The following SEPTIN9 variants were observed in gnomAD, a reference collection of about 807,000 sequenced individuals.
SEPTIN9 encodes septin-9.
Under a neutral mutation model 56.6 loss-of-function variants are expected in SEPTIN9, and 13 were observed. The observed-to-expected ratio is 0.23, with a 90% CI of 0.15 to 0.37. The LOEUF is 0.37. SEPTIN9 is among the 10% of genes least tolerant of loss of function. The pLI, the probability that SEPTIN9 is intolerant of heterozygous loss-of-function variation, is 1.00. For synonymous variants in SEPTIN9, 332 were observed against 334.1 expected (o/e 0.99, Z 0.07); for missense variants, 650 against 823.1 (o/e 0.79, Z 2.57).
At chr17:77,395,778 T>C (rs2035691604) in intron 2 of SEPTIN9, among the ~76,000 whole-genome samples, 1 of 152,248 alleles carries the variant, frequency 6.6e-6, no homozygotes, top group South Asian at 2.1e-4. Flanking sequence ...TTACTTAATA[T>C]TCTCGGCATT....
intron 3 of SEPTIN9, among the ~76,000 whole-genome samples, chr17:77,406,273 C>G (rs2036067122): frequency 1.3e-5 from 2 of 152,212 alleles, no homozygotes; most frequent in East Asian, 1.9e-4. Flanking sequence ...CCCTTGGTCT[C>G]TCACACCTTT....
intron 1 of SEPTIN9, among the ~76,000 whole-genome samples, chr17:77,301,877 G>A (rs2032068563): frequency 6.6e-6 from 1 of 152,102 alleles, no homozygotes; most frequent in Non-Finnish European, 1.5e-5. Context: ...CAGCACAAAG[G>A]CAGAGCAGGG....
At chr17:77,285,036 G>T (rs1362159246) in intron 1 of SEPTIN9, among the ~76,000 whole-genome samples, 1 of 152,248 alleles carries the variant, frequency 6.6e-6, no homozygotes, top group African/African-American at 2.4e-5. Context: ...CTGCTGTCAT[G>T]ATCATGATTG....
At chr17:77,325,618 C>T (rs2033105250) in intron 2 of SEPTIN9, among the ~76,000 whole-genome samples, 1 of 152,206 alleles carries the variant, frequency 6.6e-6, no homozygotes, top group Non-Finnish European at 1.5e-5. Context: ...GGTGTGGCTG[C>T]CCGGCCTGCG....
chr17:77,341,635 C>A (rs1015998836), intron 2 of SEPTIN9, among the ~76,000 whole-genome samples: 1 of 151,796 alleles, frequency 6.6e-6, no homozygotes, highest in Non-Finnish European at 1.5e-5. Flanking sequence ...ATTAGCCAGG[C>A]GTGGTGGCGG....
At chr17:77,455,048 CTT>C (rs75305961) in intron 3 of SEPTIN9, among the ~76,000 whole-genome samples, 2 of 145,562 alleles carry the variant, frequency 1.4e-5, no homozygotes, top group African/African-American at 5.0e-5. Flanking sequence ...GGCTCTCTTT[CTT>C]TTTTTTTTTT....
Position 77,450,933 on chromosome 17 carries a change from G to C in SEPTIN9, c.722-31211G>C. The C allele has an allele frequency of 2.4e-6, 1 of 423,864 alleles. No homozygotes were observed. The highest frequency in any genetic ancestry group is 3.2e-6 in the Non-Finnish European group (1 of 316,766). The allele number at this position is 423,864 out of a possible 1,614,324, so 26.3% of individuals were successfully genotyped here. On this transcript the variant is annotated intron_variant, in intron 3 of 11. Transcript: ENST00000427177. The surrounding 1 kb of genome is among the most constrained non-coding windows in gnomAD (Gnocchi z 6.0). ...CAGGTCTGAATGGCTTTCTGGGGTG[G>C]CTGGCCATGCTCCCTGAGAGCCCAG...
intron 3 of SEPTIN9, among the ~76,000 whole-genome samples, chr17:77,443,497 A>G (rs548119407): frequency 6.6e-6 from 1 of 152,328 alleles, no homozygotes; most frequent in Non-Finnish European, 1.5e-5. Context: ...AGAAGGATAT[A>G]AAAAGGCATG....
chr17:77,363,249 G>T (rs553221327), intron 2 of SEPTIN9, among the ~76,000 whole-genome samples: 2 of 152,196 alleles, frequency 1.3e-5, no homozygotes, highest in South Asian at 4.1e-4. Flanking sequence ...GAGCTAGTGG[G>T]AGAAGGAAAC....
chr17:77,419,672 G>GTGGCTCCC (rs3047418), intron 3 of SEPTIN9: 6,061 of 152,594 alleles, frequency 0.04, 341 homozygotes, highest in South Asian at 0.13. Flanking sequence ...GCCTTAGGCC[G>GTGGCTCCC]TGCCGGCACC....
chr17:77,465,039 T>C (rs1188773624), intron 3 of SEPTIN9, among the ~76,000 whole-genome samples: 4 of 152,218 alleles, frequency 2.6e-5, no homozygotes, highest in Admixed American at 2.6e-4. Context: ...TCATCTGCCT[T>C]CGTCTCTATG....
Position 77,354,259 on chromosome 17 carries a change from T to C in SEPTIN9, c.76+47062T>C, listed in dbSNP as rs74568325. Among the ~76,000 whole-genome samples the C allele has an allele frequency of 3.2e-4, 49 of 152,318 alleles. No homozygotes were observed. In the East Asian group the frequency reaches 7.7e-3, roughly 24 times the overall value. ...AGGTAGTGTTACCCCGTTTTATAGA[T>C]GAGGAAACAGGCGTAGAGGGATAAA... On this transcript the variant is annotated intron_variant, in intron 2 of 11. Transcript: ENST00000427177.
At chr17:77,346,635 T>C (rs1598226693) in intron 2 of SEPTIN9, among the ~76,000 whole-genome samples, 1 of 152,280 alleles carries the variant, frequency 6.6e-6, no homozygotes, top group Non-Finnish European at 1.5e-5. Flanking sequence ...GAAAAAAATA[T>C]GTATATATAT....
At position 77,487,592 on chromosome 17, in the gene SEPTIN9, TGCCTTCCTG is replaced by T. The variant is rs1568115905; in HGVS notation, c.1042+42_1042+50del. 1.9e-3 allele frequency: 2,982 copies of T among 1,604,102 alleles called. 141 individuals carry two copies. In the African/African-American group the frequency reaches 0.039, roughly 21 times the overall value. ...GTGGGCTGGGGGTGCAGGACGCCCC[TGCCTTCCTG>T]GAGCACAGGGGTTGGGGGTCAAGAC... On this transcript the variant is annotated intron_variant, in intron 5 of 11. Transcript: ENST00000427177. This position sits in a 1 kb window ranked among gnomAD's most constrained non-coding sequence, Gnocchi z 4.3.
intron 2 of SEPTIN9, chr17:77,322,497 C>A (rs2143664154): frequency 6.6e-6 from 1 of 152,382 alleles, no homozygotes; most frequent in South Asian, 2.1e-4. Context: ...ACACGACAGT[C>A]CCGGAGCTGT....
In SEPTIN9 at chr17:77,429,207, AC is replaced by A. The variant is rs1294933903; in HGVS notation, c.721+26506del. 1 of 471,792 alleles carries A rather than the reference AC, an allele frequency of 2.1e-6. No individual in the cohort carries two copies. Among genetic ancestry groups the A allele is most frequent in the Non-Finnish European group, 4.4e-6 (1 of 227,382 alleles). The allele number at this position is 471,792 out of a possible 1,614,324, so 29.2% of individuals were successfully genotyped here. ...TGAGGCCGAGGCTGAGGCTGAGGCC[AC>A]CTTGGTGAGGAGGAAATTGCAGGTG... is the stretch of plus-strand genomic sequence containing the variant. On this transcript the variant is annotated intron_variant, in intron 3 of 11. Transcript: ENST00000427177. The surrounding 1 kb of genome is among the most constrained non-coding windows in gnomAD (Gnocchi z 5.2).
intron 3 of SEPTIN9, among the ~76,000 whole-genome samples, chr17:77,431,729 C>T (rs1331064468): frequency 6.7e-6 from 1 of 150,316 alleles, no homozygotes; most frequent in Non-Finnish European, 1.5e-5. Flanking sequence ...CCTCAGGAGG[C>T]TGAGGCAGGA....
intron 4 of SEPTIN9, among the ~76,000 whole-genome samples, chr17:77,485,363 G>T (rs751832848): frequency 6.6e-6 from 1 of 151,632 alleles, no homozygotes; most frequent in Non-Finnish European, 1.5e-5. Context: ...ATAGTGGTGG[G>T]ATGGTAGTGG....
At chr17:77,395,588 C>T (rs2035683408) in intron 2 of SEPTIN9, among the ~76,000 whole-genome samples, 1 of 151,924 alleles carries the variant, frequency 6.6e-6, no homozygotes, top group Non-Finnish European at 1.5e-5. Context: ...CTAAGTGATC[C>T]CCATGTAGTA....
Sources: gnomAD v4.1 joint callset for allele counts (sites outside exome capture counted in the v4.1 genomes callset) on GRCh38, gnomAD v4.1.1 for gene constraint, Gnocchi (gnomAD v3.1) non-coding constraint, MANE v1.5 for transcripts, NCBI Gene and HGNC (gene_info 2026-07-23, HGNC 2026-07-21) for gene names.